FER1L6: variants seen among roughly 807,000 people sequenced by gnomAD.
FER1L6 encodes fer-1 like family member 6, also known as fer-1-like protein 6.
FER1L6 carries 177 observed loss-of-function variants against 219.2 expected under a neutral mutation model. The ratio of observed to expected loss-of-function variants is 0.81; its 90% CI spans 0.71 to 0.91. The LOEUF is 0.91. FER1L6 is among the 40% of genes least tolerant of loss of function. FER1L6 has a pLI of 0.00. For synonymous variants in FER1L6, 768 were observed against 824.3 expected (o/e 0.93, Z 1.17); for missense variants, 2,153 against 2,259.9 (o/e 0.95, Z 0.96).
intron 21 of FER1L6, 98 bp from the exon 22 acceptor site, chr8:124,049,509 T>G: frequency 7.4e-7 from 1 of 1,347,580 alleles, no homozygotes. Flanking sequence ...AGCTGATGGT[T>G]TTGTGGAGGT....
At position 123,982,896 on chromosome 8, in the gene FER1L6, G is replaced by T. The variant is rs139772899; in HGVS notation, c.1410+2085G>T. Among the ~76,000 whole-genome samples, 274 of 152,268 alleles carry T rather than the reference G, an allele frequency of 1.8e-3. 2 individuals carry two copies. Among genetic ancestry groups the T allele is most frequent in the African/African-American group, 6.0e-3 (251 of 41,570 alleles). On this transcript the variant is annotated intron_variant, in intron 11 of 40. Transcript: ENST00000522917. Reference sequence around the variant, plus strand: ...TTGAGGATCCTGTGACATGGCAGCTGGCCTTCTCCAGATCCAAGAGGGAGC... The same window carrying T: ...TTGAGGATCCTGTGACATGGCAGCTTGCCTTCTCCAGATCCAAGAGGGAGC...
chr8:124,034,110 A>G (rs1819094726), intron 18 of FER1L6, among the ~76,000 whole-genome samples: 1 of 151,482 alleles, frequency 6.6e-6, no homozygotes, highest in Non-Finnish European at 1.5e-5. Context: ...GGCCTTTCAT[A>G]ATAGGATTTT....
chr8:124,068,630 G>A (rs1224126989), intron 28 of FER1L6, among the ~76,000 whole-genome samples: 2 of 152,224 alleles, frequency 1.3e-5, no homozygotes, highest in African/African-American at 4.8e-5. Flanking sequence ...CTGACAGAGT[G>A]TGACTCCAAA....
intron 1 of FER1L6, among the ~76,000 whole-genome samples, chr8:123,864,403 C>A (rs975378316): frequency 6.7e-6 from 1 of 150,204 alleles, no homozygotes; most frequent in Admixed American, 6.6e-5. Flanking sequence ...TCTCTGGCTG[C>A]CCTTAACATT....
At chr8:123,994,484 T>C (rs7818759) in intron 12 of FER1L6, among the ~76,000 whole-genome samples, 8,214 of 152,256 alleles carry the variant, frequency 0.054, 536 homozygotes, top group African/African-American at 0.16. Flanking sequence ...ACCCAGCTCC[T>C]ACACATTGGC....
At chr8:124,114,439 C>T (rs1823148770) in intron 39 of FER1L6, among the ~76,000 whole-genome samples, 1 of 152,120 alleles carries the variant, frequency 6.6e-6, no homozygotes, top group Non-Finnish European at 1.5e-5. Context: ...GCAAAGAAGA[C>T]TCCTAGCACG....
At chr8:123,945,691 A>G (rs1814455990) in intron 1 of FER1L6, among the ~76,000 whole-genome samples, 3 of 152,196 alleles carry the variant, frequency 2.0e-5, no homozygotes, top group East Asian at 1.9e-4. Flanking sequence ...GCTTCATTTG[A>G]CTGTGCTAAT....
At chr8:123,885,500 C>T (rs1817185436) in intron 1 of FER1L6, among the ~76,000 whole-genome samples, 1 of 152,222 alleles carries the variant, frequency 6.6e-6, no homozygotes, top group African/African-American at 2.4e-5. Context: ...TAATAGCCAA[C>T]ATTTATATAG....
Position 124,041,161 on chromosome 8 carries a change from T to A in FER1L6, c.2589+1155T>A, listed in dbSNP as rs146445051. Among the ~76,000 whole-genome samples, 154 of 152,278 alleles carry A rather than the reference T, an allele frequency of 1.0e-3. 3 individuals carry two copies. In the East Asian group the frequency reaches 0.027, roughly 27 times the overall value. On this transcript the variant is annotated intron_variant, in intron 20 of 40. Coordinates refer to ENST00000522917, the MANE Select transcript of FER1L6 (RefSeq NM_001039112.2). ...GCCCATCTCAGGGAGTTAAGCACCA[T>A]GGGTTAGCACACACAGTGCCCTAAG...
chr8:124,082,304 G>C lies in FER1L6; in HGVS notation c.4237G>C (p.Ala1413Pro). Residue 1413 changes from alanine to proline, a missense_variant, in exon 33 of 41, where the codon GCC (alanine) becomes CCC (proline). By Grantham distance (27) the Ala-to-Pro change is conservative (BLOSUM62 -1). Coordinates refer to ENST00000522917, the MANE Select transcript of FER1L6 (RefSeq NM_001039112.2). ...GGACCGCAGGTCATTTGAGATCCAA[G>C]CCACATTCCCAAAAGAGTCCCTGCT... is the stretch of plus-strand genomic sequence containing the variant. ...PVFGRSFEIQ[A>P]TFPKESLLSI... 6.2e-7 allele frequency: 1 copy of C among 1,613,122 alleles called. No individual in the cohort carries two copies. The highest frequency in any genetic ancestry group is 8.5e-7 in the Non-Finnish European group (1 of 1,179,530).
chr8:123,987,291 A>G (rs1335777970), intron 12 of FER1L6, among the ~76,000 whole-genome samples: 1 of 152,194 alleles, frequency 6.6e-6, no homozygotes, highest in Non-Finnish European at 1.5e-5. Context: ...GCCTTTTCAT[A>G]TGCTTGTTTG....
intron 33 of FER1L6, among the ~76,000 whole-genome samples, chr8:124,088,041 C>T (rs757356813): frequency 3.9e-5 from 6 of 152,168 alleles, no homozygotes; most frequent in South Asian, 2.1e-4. Context: ...CTGCAGTGAC[C>T]GCTGCCTGGC....
chr8:124,034,596 A>T (rs1418319883), intron 18 of FER1L6, among the ~76,000 whole-genome samples: 2 of 152,218 alleles, frequency 1.3e-5, no homozygotes, highest in Admixed American at 6.5e-5. Flanking sequence ...GAGCACATTC[A>T]AAAGAGAGAG....
chr8:123,854,188 T>C (rs138242456), intron 1 of FER1L6, among the ~76,000 whole-genome samples: 2,834 of 152,290 alleles, frequency 0.019, 52 homozygotes, highest in Admixed American at 0.059. Flanking sequence ...TGATCTAGGC[T>C]TTTCTGAGCT....
At chr8:123,974,740 A>G (rs1815987430) in intron 7 of FER1L6, among the ~76,000 whole-genome samples, 1 of 151,418 alleles carries the variant, frequency 6.6e-6, no homozygotes, top group Non-Finnish European at 1.5e-5. Flanking sequence ...CCGGAAGTCT[A>G]GATTATGTAA....
Position 124,060,289 on chromosome 8 carries a change from A to T in FER1L6, c.2984A>T (p.Glu995Val), listed in dbSNP as rs770003334. The stretch of plus-strand genomic sequence containing the variant: ...CCGGTGCTGAGCAAATACCGAGTGG[A>T]GGTACGGGTCAGCGGAGGAGCTGAG... ...IRPVLSKYRVEVLFWGVREMK... is the reference protein window; with the variant it reads ...IRPVLSKYRVVVLFWGVREMK... The change falls in exon 23 of 41, where the codon GAG (glutamate) becomes GTG (valine). Residue 995 changes from glutamate (E) to valine (V), a missense_variant and splice_region_variant. By Grantham distance (121) the Glu-to-Val change is moderately radical. Transcript: ENST00000522917. 36 of 1,613,790 alleles carry T rather than the reference A, an allele frequency of 2.2e-5. No individual in the cohort carries two copies. The highest frequency in any genetic ancestry group is 2.9e-5 in the Non-Finnish European group (34 of 1,179,792).
chr8:124,038,816 G>C (rs1423521822), intron 19 of FER1L6, among the ~76,000 whole-genome samples: 2 of 152,156 alleles, frequency 1.3e-5, no homozygotes, highest in African/African-American at 2.4e-5. Context: ...TAACTAAGTA[G>C]CGTTATTCAA....
chr8:124,044,575 T>C (rs949539524), intron 20 of FER1L6, among the ~76,000 whole-genome samples: 3 of 152,176 alleles, frequency 2.0e-5, no homozygotes, highest in Non-Finnish European at 2.9e-5. Context: ...TCCTCCTAGA[T>C]TGAACAGTGA....
intron 21 of FER1L6, chr8:124,046,445 A>G (rs1470485556): frequency 6.6e-6 from 1 of 152,324 alleles, no homozygotes; most frequent in Non-Finnish European, 1.5e-5. Flanking sequence ...TTCTCCAAAG[A>G]CGTTTGTGTG....
Sources: allele counts gnomAD v4.1 joint callset (sites outside exome capture counted in the v4.1 genomes callset), GRCh38; gene constraint gnomAD v4.1.1; transcripts MANE v1.5; gene names NCBI Gene and HGNC (gene_info 2026-07-23, HGNC 2026-07-21).